The following ACYP2 variants were observed in gnomAD, a reference collection of about 807,000 sequenced individuals.
ACYP2 encodes the protein acylphosphatase-2.
A neutral mutation model predicts 11.2 loss-of-function variants in ACYP2; 12 were observed. That is an observed-to-expected ratio of 1.08 (90% CI 0.69 to 1.74). ACYP2 has a LOEUF of 1.74. Among genes scored for constraint, ACYP2 ranks in the 40% most tolerant of loss-of-function variants. The pLI is 0.00. For synonymous variants in ACYP2, 43 were observed against 32.2 expected (o/e 1.33, Z -1.13); for missense variants, 134 against 101.9 (o/e 1.31, Z -1.35).
chr2:54,216,636 C>T (rs1279579383), intron 6 of ACYP2, among the ~76,000 whole-genome samples: 1 of 151,654 alleles, frequency 6.6e-6, no homozygotes, highest in Non-Finnish European at 1.5e-5. Flanking sequence ...CTCCTGAGTT[C>T]AAGCGATTTT....
intron 2 of ACYP2, among the ~76,000 whole-genome samples, chr2:54,011,517 A>AT (rs1340714872): frequency 1.3e-5 from 2 of 152,156 alleles, no homozygotes; most frequent in Non-Finnish European, 2.9e-5. Flanking sequence ...GATGACTCTG[A>AT]TATGCATTTA....
intron 6 of ACYP2, among the ~76,000 whole-genome samples, chr2:54,187,931 G>A (rs992482430): frequency 6.6e-6 from 1 of 152,136 alleles, no homozygotes; most frequent in Non-Finnish European, 1.5e-5. Flanking sequence ...TGGGCTCTAC[G>A]TTTCTTTTCC....
intron 6 of ACYP2, among the ~76,000 whole-genome samples, chr2:54,245,426 G>A (rs1172379941): frequency 6.6e-6 from 1 of 152,186 alleles, no homozygotes; most frequent in Non-Finnish European, 1.5e-5. Flanking sequence ...TCATATGGCA[G>A]TTCCATTTGC....
chr2:54,006,704 C>T (rs1488884499), intron 2 of ACYP2, among the ~76,000 whole-genome samples: 1 of 152,160 alleles, frequency 6.6e-6, no homozygotes, highest in Non-Finnish European at 1.5e-5. Flanking sequence ...GCAATAACAG[C>T]TGACTGCAGC....
At chr2:54,273,258 C>T (rs979581177) in intron 6 of ACYP2, among the ~76,000 whole-genome samples, 3 of 152,162 alleles carry the variant, frequency 2.0e-5, no homozygotes, top group Non-Finnish European at 4.4e-5. Context: ...GTCTTATGTT[C>T]TCGTCTGTAA....
chr2:54,195,220 G>A (rs1684410522), intron 6 of ACYP2, among the ~76,000 whole-genome samples: 1 of 152,270 alleles, frequency 6.6e-6, no homozygotes, highest in South Asian at 2.1e-4. Flanking sequence ...AGATTCTATG[G>A]TATAGAGGGC....
chr2:54,029,356 G>A lies in ACYP2; in HGVS notation c.63-21602G>A, dbSNP rs1019674216. The stretch of plus-strand genomic sequence containing the variant: ...TGTTTACCTTGATGACCTACCTGAG[G>A]TCATATTTACCAGGTTTCTTACATT... On this transcript the variant is annotated intron_variant, in intron 2 of 6. Coordinates refer to ENST00000607452, the MANE Select transcript of ACYP2 (RefSeq NM_001320586.2). Among the ~76,000 whole-genome samples, 3 of 150,086 alleles carry A rather than the reference G, an allele frequency of 2.0e-5. No individual in the cohort carries two copies. The Admixed American group carries it at 2.0e-4, about 10-fold the overall frequency.
chr2:54,031,532 A>T (rs1419608187), intron 2 of ACYP2, among the ~76,000 whole-genome samples: 2 of 152,210 alleles, frequency 1.3e-5, no homozygotes, highest in African/African-American at 4.8e-5. Flanking sequence ...TCATTGATGG[A>T]CATTTGGGTT....
At chr2:54,156,205 TA>T (rs912271570) in intron 6 of ACYP2, among the ~76,000 whole-genome samples, 52 of 152,188 alleles carry the variant, frequency 3.4e-4, no homozygotes, top group African/African-American at 1.2e-3. Flanking sequence ...TAATTTTGTT[TA>T]TTTTTTATGT....
At chr2:54,296,930 C>G (rs1558676491) in intron 6 of ACYP2, among the ~76,000 whole-genome samples, 1 of 152,068 alleles carries the variant, frequency 6.6e-6, no homozygotes, top group South Asian at 2.1e-4. Context: ...GCACACAAAA[C>G]TGATTCAGAT....
chr2:54,113,603 T>C (rs1488132876), intron 4 of ACYP2, among the ~76,000 whole-genome samples: 1 of 152,106 alleles, frequency 6.6e-6, no homozygotes. Context: ...ATGCAGAACC[T>C]GCTAATATGG....
rs115767241 is a variant in ACYP2, at chr2:54,055,621, C to T, written c.156-1618C>T. On this transcript the variant is annotated intron_variant, in intron 3 of 6. Transcript: ENST00000607452. ...ATTTCTTAATAGCATATATTTAGGACGTGATGGTGGAGATTGAATTTCATC... is the reference window on the plus strand; with the variant it reads ...ATTTCTTAATAGCATATATTTAGGATGTGATGGTGGAGATTGAATTTCATC... Among the ~76,000 whole-genome samples the T allele has an allele frequency of 5.2e-4, 79 of 152,132 alleles. 1 individual carries two copies. The highest frequency in any genetic ancestry group is 6.5e-4 in the African/African-American group (27 of 41,516).
intron 6 of ACYP2, among the ~76,000 whole-genome samples, chr2:54,260,366 A>T (rs374533119): frequency 1.3e-5 from 2 of 152,158 alleles, no homozygotes; most frequent in South Asian, 4.1e-4. Context: ...ACTGTGACCT[A>T]AAGTATTGTC....
intron 6 of ACYP2, among the ~76,000 whole-genome samples, chr2:54,291,712 G>C (rs758949954): frequency 8.5e-5 from 13 of 152,172 alleles, no homozygotes; most frequent in Non-Finnish European, 1.8e-4. Context: ...ATGTGGCTCG[G>C]GGGCCAACAA....
chr2:54,115,658 G>A (rs754929812), intron 4 of ACYP2: 23 of 1,600,038 alleles, frequency 1.4e-5, no homozygotes, highest in Non-Finnish European at 2.0e-5. Flanking sequence ...GCTGCGCCCC[G>A]AGCCCCTCTC....
At chr2:54,263,498 C>A (rs1214982948) in intron 6 of ACYP2, among the ~76,000 whole-genome samples, 1 of 152,178 alleles carries the variant, frequency 6.6e-6, no homozygotes, top group Non-Finnish European at 1.5e-5. Context: ...GTGCTGCATA[C>A]CTGTAGTCCT....
At chr2:54,118,643 A>G (rs149512665) in intron 4 of ACYP2, among the ~76,000 whole-genome samples, 67 of 152,352 alleles carry the variant, frequency 4.4e-4, no homozygotes, top group African/African-American at 1.5e-3. Flanking sequence ...TTTTGTGCAC[A>G]TAGTGGTAAC....
chr2:54,023,182 T>G (rs1251425414), intron 2 of ACYP2, among the ~76,000 whole-genome samples: 1 of 152,222 alleles, frequency 6.6e-6, no homozygotes. Flanking sequence ...GTGATTATGC[T>G]TTTTTGTTGT....
intron 6 of ACYP2, chr2:54,223,043 C>T (rs568080423): frequency 1.3e-5 from 2 of 152,280 alleles, no homozygotes; most frequent in South Asian, 4.1e-4. Context: ...AGATACCCAA[C>T]AACTTTGGAG....
Sources: gnomAD v4.1 joint callset for allele counts (sites outside exome capture counted in the v4.1 genomes callset) on GRCh38, gnomAD v4.1.1 for gene constraint, MANE v1.5 for transcripts, NCBI Gene and HGNC (gene_info 2026-07-23, HGNC 2026-07-21) for gene names.